The following LAMA2 variants were observed in gnomAD, a reference collection of about 807,000 sequenced individuals.
The protein encoded by LAMA2 is laminin subunit alpha-2.
Under a neutral mutation model 364.8 loss-of-function variants are expected in LAMA2, and 269 were observed. The observed-to-expected ratio is 0.74, with a 90% CI of 0.67 to 0.82. The LOEUF is 0.82. Among genes scored for constraint, LAMA2 ranks in the 40% least tolerant of loss-of-function variants. The probability of loss-of-function intolerance (pLI) is 0.00; values close to 1 mark genes in which losing one functional copy is unlikely to be tolerated. For missense variants in LAMA2, 3,807 were observed against 3,873.2 expected, an observed-to-expected ratio of 0.98 and a Z score of 0.45; for synonymous variants, 1,379 against 1,370.6, an observed-to-expected ratio of 1.01 and a Z score of -0.14.
chr6:129,431,646 A>T (rs374325790), intron 41 of LAMA2, among the ~76,000 whole-genome samples: 2 of 152,108 alleles, frequency 1.3e-5, no homozygotes, highest in East Asian at 3.8e-4. Context: ...ACTAAACTTC[A>T]TAACATAAAC....
intron 3 of LAMA2, among the ~76,000 whole-genome samples, chr6:129,062,919 T>G (rs1403495995): frequency 1.3e-5 from 2 of 151,418 alleles, no homozygotes. Flanking sequence ...TGGGTTTTTT[T>G]TTTTTTTTTT....
Position 129,402,312 on chromosome 6 carries a change from T to G in LAMA2, c.5563-12T>G. Reference sequence around the variant, plus strand: ...TTCACTTGCTTAAAATGCCCTCTTCTCTACATATCAGTATGTTGAAGACAT... The same window carrying G: ...TTCACTTGCTTAAAATGCCCTCTTCGCTACATATCAGTATGTTGAAGACAT... On this transcript the variant is annotated splice_polypyrimidine_tract_variant and intron_variant, in intron 38 of 64. Coordinates refer to ENST00000421865, the MANE Select transcript of LAMA2 (RefSeq NM_000426.4). 3 of 1,611,612 alleles carry G rather than the reference T, an allele frequency of 1.9e-6. No homozygotes were observed. The highest frequency in any genetic ancestry group is 2.5e-6 in the Non-Finnish European group (3 of 1,178,036).
At chr6:129,079,963 G>C (rs1478327303) in intron 3 of LAMA2, among the ~76,000 whole-genome samples, 1 of 152,018 alleles carries the variant, frequency 6.6e-6, no homozygotes, top group East Asian at 1.9e-4. Context: ...CTCAAAAAGA[G>C]TCAGTTAGTA....
intron 15 of LAMA2, among the ~76,000 whole-genome samples, chr6:129,262,074 C>T (rs966816436): frequency 9.2e-5 from 14 of 151,964 alleles, no homozygotes; most frequent in Non-Finnish European, 2.1e-4. Flanking sequence ...TGTTCTCATC[C>T]TTTGCATTAT....
intron 1 of LAMA2, among the ~76,000 whole-genome samples, chr6:128,893,547 T>G (rs1447443613): frequency 6.6e-6 from 1 of 151,934 alleles, no homozygotes; most frequent in Non-Finnish European, 1.5e-5. Context: ...TACATACTAC[T>G]GCATAAGAAG....
intron 1 of LAMA2, among the ~76,000 whole-genome samples, chr6:128,883,839 T>C (rs537644987): frequency 0.051 from 7,327 of 143,650 alleles, 631 homozygotes; most frequent in African/African-American, 0.18. Context: ...CACACACATA[T>C]ATATATATAT....
intron 3 of LAMA2, among the ~76,000 whole-genome samples, chr6:129,060,929 G>T (rs1360459523): frequency 6.6e-6 from 1 of 152,142 alleles, no homozygotes; most frequent in African/African-American, 2.4e-5. Flanking sequence ...GGCGGCAGGG[G>T]CTCAGTGCTG....
intron 45 of LAMA2, among the ~76,000 whole-genome samples, chr6:129,447,050 A>G (rs1270280318): frequency 3.3e-5 from 5 of 152,224 alleles, no homozygotes; most frequent in African/African-American, 1.2e-4. Context: ...ATTAAAAGAA[A>G]CCAGATGTTA....
intron 4 of LAMA2, among the ~76,000 whole-genome samples, chr6:129,112,703 GTC>G (rs1776228607): frequency 6.6e-6 from 1 of 151,524 alleles, no homozygotes; most frequent in South Asian, 2.1e-4. Flanking sequence ...GCACAGAAAA[GTC>G]TGGTTACAAG....
intron 3 of LAMA2, among the ~76,000 whole-genome samples, chr6:129,084,187 T>C (rs549948591): frequency 1.1e-4 from 17 of 152,292 alleles, no homozygotes; most frequent in Non-Finnish European, 1.9e-4. Context: ...GTGAGAGTAA[T>C]GCTAGCCAAA....
chr6:129,487,545 G>A (rs1784653910), intron 56 of LAMA2, among the ~76,000 whole-genome samples: 1 of 152,124 alleles, frequency 6.6e-6, no homozygotes, highest in South Asian at 2.1e-4. Flanking sequence ...ACTTTTAAAT[G>A]CAACGAGTAT....
At chr6:128,909,690 T>A (rs1221144834) in intron 1 of LAMA2, among the ~76,000 whole-genome samples, 1 of 151,392 alleles carries the variant, frequency 6.6e-6, no homozygotes, top group Non-Finnish European at 1.5e-5. Flanking sequence ...TGATGTTAGC[T>A]GGTTATTTTG....
intron 1 of LAMA2, among the ~76,000 whole-genome samples, chr6:129,010,118 A>G (rs1169783676): frequency 6.6e-6 from 1 of 152,224 alleles, no homozygotes; most frequent in Admixed American, 6.5e-5. Flanking sequence ...TAGACTGGCT[A>G]CTGAAGGGGT....
intron 8 of LAMA2, among the ~76,000 whole-genome samples, chr6:129,165,221 A>T (rs1779672263): frequency 6.6e-6 from 1 of 152,006 alleles, no homozygotes; most frequent in Non-Finnish European, 1.5e-5. Context: ...CTGGAAAATA[A>T]ATCTTGTATA....
At chr6:129,383,442 A>G (rs754256064) in intron 35 of LAMA2, among the ~76,000 whole-genome samples, 6 of 152,236 alleles carry the variant, frequency 3.9e-5, no homozygotes, top group Non-Finnish European at 7.3e-5. Flanking sequence ...ATAGTGAATT[A>G]GCGACAATGA....
At chr6:129,249,143 A>G (rs1390643762) in intron 12 of LAMA2, among the ~76,000 whole-genome samples, 1 of 152,154 alleles carries the variant, frequency 6.6e-6, no homozygotes. Context: ...ATTCCCAACC[A>G]GGAATTGCTG....
At chr6:129,244,037 G>A (rs1785573998) in intron 12 of LAMA2, among the ~76,000 whole-genome samples, 1 of 151,980 alleles carries the variant, frequency 6.6e-6, no homozygotes. Context: ...ATATCCCCTG[G>A]ACTGCATAAC....
chr6:129,086,447 T>C (rs1054062741), intron 3 of LAMA2, among the ~76,000 whole-genome samples: 9 of 152,310 alleles, frequency 5.9e-5, no homozygotes, highest in South Asian at 4.1e-4. Flanking sequence ...GCAAACTTGC[T>C]TCATAACAAA....
chr6:129,024,034 A>G (rs1460521749), intron 1 of LAMA2, among the ~76,000 whole-genome samples: 1 of 152,168 alleles, frequency 6.6e-6, no homozygotes, highest in Non-Finnish European at 1.5e-5. Context: ...TGAGACAGGG[A>G]TGAGCGATGG....
Sources: allele counts gnomAD v4.1 joint callset (sites outside exome capture counted in the v4.1 genomes callset), GRCh38; gene constraint gnomAD v4.1.1; transcripts MANE v1.5; gene names NCBI Gene and HGNC (gene_info 2026-07-23, HGNC 2026-07-21).